PBRM1: variants seen among roughly 807,000 people sequenced by gnomAD.
PBRM1 encodes the protein polybromo 1, also known as protein polybromo-1.
A neutral mutation model predicts 194.5 loss-of-function variants in PBRM1; 27 were observed. The ratio of observed to expected loss-of-function variants is 0.14; its 90% confidence interval spans 0.10 to 0.19. The LOEUF (loss-of-function observed/expected upper bound fraction) is 0.19, where lower values mean the gene tolerates loss of function less well. Among genes scored for constraint, PBRM1 ranks in the 10% least tolerant of loss-of-function variants. PBRM1 has a pLI of 1.00. For missense variants in PBRM1, 1,466 were observed against 2,077.2 expected (o/e 0.71, Z 5.72); for synonymous variants, 655 against 693.2 (o/e 0.94, Z 0.87).
upstream of PBRM1, among the ~76,000 whole-genome samples, chr3:52,684,167 CAAAAAAAAA>C (rs66702174): frequency 4.0e-5 from 3 of 75,710 alleles, no homozygotes; most frequent in African/African-American, 5.6e-5. Flanking sequence ...GACCTTGTCT[CAAAAAAAAA>C]AAAAAAAAAA....
chr3:52,638,650 G>C (rs1428909561), intron 10 of PBRM1, among the ~76,000 whole-genome samples: 1 of 151,954 alleles, frequency 6.6e-6, no homozygotes, highest in African/African-American at 2.4e-5. Flanking sequence ...CTAGAGTGTA[G>C]TGGAATAATC....
At chr3:52,596,041 T>C (rs2093504201) in intron 17 of PBRM1, among the ~76,000 whole-genome samples, 1 of 152,200 alleles carries the variant, frequency 6.6e-6, no homozygotes, top group African/African-American at 2.4e-5. Flanking sequence ...TCAGATACTA[T>C]ATAGCTCTAT....
intron 20 of PBRM1, among the ~76,000 whole-genome samples, chr3:52,579,662 GA>G (rs1391543049): frequency 1.8e-4 from 28 of 151,760 alleles, no homozygotes; most frequent in African/African-American, 6.8e-4. Flanking sequence ...AGGAGGCTAG[GA>G]AACAAAACAA....
chr3:52,576,759 A>G (rs1051196764), intron 21 of PBRM1, 61 bp from the exon 24 acceptor site: 1 of 1,356,046 alleles, frequency 7.4e-7, no homozygotes, highest in Admixed American at 2.4e-5. Context: ...GATTAATCTA[A>G]CAAAAATCGC....
At chr3:52,619,861 T>C (rs2095186382) in intron 13 of PBRM1, among the ~76,000 whole-genome samples, 1 of 152,134 alleles carries the variant, frequency 6.6e-6, no homozygotes, top group South Asian at 2.1e-4. Context: ...GCAAACAAAG[T>C]GATTTAATTA....
rs773834478 is a variant in PBRM1, at chr3:52,550,820, A to G, written c.4610-3T>C. The G allele has an allele frequency of 1.9e-6, 3 of 1,595,686 alleles. No individual in the cohort carries two copies. Among genetic ancestry groups the G allele is most frequent in the Admixed American group, 3.3e-5 (2 of 59,840 alleles). The stretch of plus-strand genomic sequence containing the variant: ...GGCCACTCCTTGGTTCATCACACCT[A>G]TAATTCAGAATGCAATGGCACAGTT... On this transcript the variant is annotated splice_region_variant and splice_polypyrimidine_tract_variant and intron_variant, in intron 27 of 29. Coordinates refer to ENST00000296302, the Ensembl canonical transcript of PBRM1.
intron 18 of PBRM1, 67 bp downstream of exon 20, chr3:52,589,001 CCT>C: frequency 8.8e-7 from 1 of 1,137,650 alleles, no homozygotes; most frequent in South Asian, 1.3e-5. Context: ...AATTTTCTTC[CCT>C]GAGGAGCAAG....
chr3:52,561,962 G>C (rs1259783148), exon 25 of PBRM1: 2 of 1,613,014 alleles, frequency 1.2e-6, no homozygotes, highest in African/African-American at 2.7e-5. Flanking sequence ...GCAGACTTTG[G>C]GGTAGACTGT....
At chr3:52,633,627 T>C (rs2095695984) in intron 11 of PBRM1, among the ~76,000 whole-genome samples, 1 of 152,214 alleles carries the variant, frequency 6.6e-6, no homozygotes, top group Non-Finnish European at 1.5e-5. Flanking sequence ...ACATTCCCAC[T>C]ATCTGCACAG....
At chr3:52,599,950 A>C (rs945786406) in intron 17 of PBRM1, among the ~76,000 whole-genome samples, 2 of 152,146 alleles carry the variant, frequency 1.3e-5, no homozygotes, top group African/African-American at 4.8e-5. Flanking sequence ...TGTGATAAAA[A>C]ATCTATAACA....
chr3:52,554,783 C>T (rs950807031), exon 27 of PBRM1: 1 of 1,585,368 alleles, frequency 6.3e-7, no homozygotes, highest in Middle Eastern at 1.7e-4. Context: ...GGGTGGAGGC[C>T]CCCCAGGGTG....
At chr3:52,554,930 GC>G (rs1165800263) in intron 26 of PBRM1, 51 bp from the exon 29 acceptor site, 1 of 1,541,786 alleles carries the variant, frequency 6.5e-7, no homozygotes, top group Non-Finnish European at 8.9e-7. Flanking sequence ...TGCAACATGA[GC>G]TAAGTAATAA....
At chr3:52,597,487 A>C (rs1049504252) in intron 17 of PBRM1, among the ~76,000 whole-genome samples, 1 of 152,250 alleles carries the variant, frequency 6.6e-6, no homozygotes, top group Admixed American at 6.5e-5. Context: ...TGTGTAATAC[A>C]CAGCAGATCT....
chr3:52,614,373 C>CAAAAAAAAAAAA (rs1165930996), intron 15 of PBRM1, among the ~76,000 whole-genome samples: 15 of 40,914 alleles, frequency 3.7e-4, no homozygotes, highest in Admixed American at 4.4e-4. Context: ...GATGCTTCAT[C>CAAAAAAAAAAAA]AAAAAAAAAA....
At chr3:52,658,170 A>G in intron 5 of PBRM1, 29 bp downstream of exon 6, 1 of 984,660 alleles carries the variant, frequency 1.0e-6, no homozygotes, top group Non-Finnish European at 1.6e-6. Context: ...AAACACTGAC[A>G]TGTACCTGTT....
chr3:52,658,455 C>A, intron 4 of PBRM1, 140 bp from the exon 6 acceptor site: 1 of 483,036 alleles, frequency 2.1e-6, no homozygotes, highest in Non-Finnish European at 3.7e-6. Flanking sequence ...AGTACAGTGG[C>A]ACAATTTCAG....
intron 10 of PBRM1, among the ~76,000 whole-genome samples, chr3:52,635,283 A>G (rs1232613462): frequency 6.6e-6 from 1 of 152,082 alleles, no homozygotes; most frequent in Non-Finnish European, 1.5e-5. Context: ...AATAGTCTCT[A>G]AGGCTGGGTG....
At chr3:52,621,284 C>CA (rs1249062923) in intron 13 of PBRM1, among the ~76,000 whole-genome samples, 4 of 152,134 alleles carry the variant, frequency 2.6e-5, no homozygotes, top group African/African-American at 9.7e-5. Context: ...CTCAGCCTCC[C>CA]AAGTAGCTGG....
intron 26 of PBRM1, among the ~76,000 whole-genome samples, chr3:52,557,865 T>C (rs1417386561): frequency 1.3e-5 from 2 of 152,188 alleles, no homozygotes; most frequent in African/African-American, 4.8e-5. Context: ...TGGAATGAGA[T>C]GGGAAAATCA....
Sources: gnomAD v4.1 joint callset for allele counts (sites outside exome capture counted in the v4.1 genomes callset) on GRCh38, gnomAD v4.1.1 for gene constraint, MANE v1.5 for transcripts, NCBI Gene and HGNC (gene_info 2026-07-23, HGNC 2026-07-21) for gene names.